Variants in HDAC9 observed in about 807,000 individuals in gnomAD.
HDAC9 encodes the protein histone deacetylase 9, also known as MEF-2 interacting transcription repressor (MITR) protein.
In HDAC9, 41 loss-of-function variants were observed where a neutral mutation model predicts 139.4. The ratio of observed to expected loss-of-function variants is 0.29; its 90% CI spans 0.23 to 0.38. The LOEUF is 0.38. HDAC9 is among the 10% of genes least tolerant of loss of function. HDAC9 has a pLI of 1.00. For missense variants in HDAC9, 1,147 were observed against 1,297.0 expected (o/e 0.88, Z 1.78); for synonymous variants, 517 against 476.2 (o/e 1.09, Z -1.12).
At chr7:18,949,930 T>G (rs1379558236) in intron 23 of HDAC9, among the ~76,000 whole-genome samples, 1 of 151,958 alleles carries the variant, frequency 6.6e-6, no homozygotes, top group Non-Finnish European at 1.5e-5. Flanking sequence ...CATACATAAT[T>G]TACAAAAGCA....
At chr7:18,634,524 A>T in intron 7 of HDAC9, 103 bp from the exon 8 acceptor site, 1 of 696,272 alleles carries the variant, frequency 1.4e-6, no homozygotes, top group Non-Finnish European at 2.4e-6. Flanking sequence ...GCTTGCATTT[A>T]CATAGGGGGA....
chr7:18,853,588 T>C (rs767402899), intron 21 of HDAC9, among the ~76,000 whole-genome samples: 35 of 152,308 alleles, frequency 2.3e-4, no homozygotes, highest in Non-Finnish European at 4.4e-4. Context: ...ACTGTGTTAA[T>C]GAGAATTAAG....
At chr7:18,987,953 TC>T (rs139751198) in intron 25 of HDAC9, among the ~76,000 whole-genome samples, 43,295 of 152,114 alleles carry the variant, frequency 0.28, 7,550 homozygotes, top group Non-Finnish European at 0.39. Context: ...TTGATTCTTC[TC>T]CCTTTTCTTC....
At chr7:18,331,348 T>A (rs1354297143) in intron 1 of HDAC9, among the ~76,000 whole-genome samples, 1 of 151,698 alleles carries the variant, frequency 6.6e-6, no homozygotes, top group Non-Finnish European at 1.5e-5. Flanking sequence ...AAAAATCGTG[T>A]TTTTTAATGA....
chr7:18,733,439 T>C (rs1051116094), intron 13 of HDAC9, among the ~76,000 whole-genome samples: 8 of 151,170 alleles, frequency 5.3e-5, no homozygotes, highest in East Asian at 3.9e-4. Context: ...TCAGGAAATC[T>C]ATTTTTTAAA....
At chr7:18,940,856 AC>A (rs368608130) in intron 23 of HDAC9, among the ~76,000 whole-genome samples, 5 of 152,176 alleles carry the variant, frequency 3.3e-5, no homozygotes, top group African/African-American at 1.2e-4. Flanking sequence ...GGAATCTAAA[AC>A]AAAAACATTG....
intron 24 of HDAC9, among the ~76,000 whole-genome samples, chr7:18,972,236 A>T (rs1169781962): frequency 6.6e-6 from 1 of 152,200 alleles, no homozygotes; most frequent in Non-Finnish European, 1.5e-5. Context: ...AAACTTTCAT[A>T]GCATTAAGCC....
chr7:18,696,391 T>C (rs1488490876), intron 12 of HDAC9, among the ~76,000 whole-genome samples: 1 of 148,490 alleles, frequency 6.7e-6, no homozygotes, highest in African/African-American at 2.4e-5. Flanking sequence ...TAACATATTA[T>C]ACTATATAAT....
intron 1 of HDAC9, among the ~76,000 whole-genome samples, chr7:18,135,436 A>G (rs866676124): frequency 5.3e-4 from 69 of 129,328 alleles, no homozygotes; most frequent in South Asian, 8.9e-4. Flanking sequence ...ATATCTCCCA[A>G]TGCTATCCCT....
At position 18,644,854 on chromosome 7, in the gene HDAC9, T is replaced by G. The variant is rs10243449; in HGVS notation, c.1035+61T>G. The G allele has an allele frequency of 5.5e-3, 8,341 of 1,528,392 alleles. 382 individuals are homozygous for G. The African/African-American group carries it at 0.099, about 18-fold the overall frequency. 94.7% of individuals were successfully genotyped at this position (1,528,392 alleles called of 1,614,324 possible). A position where few individuals can be genotyped will look rare whatever the true frequency, so the allele number is the denominator to read the frequency against. The stretch of plus-strand genomic sequence containing the variant: ...AAGCAATATCTTTTCACAGGGGAAC[T>G]CTCTTTCGTGTTTTATGTATTTAGA... On this transcript the variant is annotated intron_variant, in intron 9 of 25. Coordinates refer to ENST00000686413, the MANE Select transcript of HDAC9 (RefSeq NM_178425.4).
At chr7:18,272,248 C>G (rs1796400221) in intron 2 of HDAC9, among the ~76,000 whole-genome samples, 1 of 152,108 alleles carries the variant, frequency 6.6e-6, no homozygotes, top group Non-Finnish European at 1.5e-5. Flanking sequence ...TAGGTGCTTT[C>G]CTATTTGAAA....
At chr7:18,122,798 T>C (rs546438130) in intron 1 of HDAC9, among the ~76,000 whole-genome samples, 10 of 152,188 alleles carry the variant, frequency 6.6e-5, no homozygotes, top group African/African-American at 2.4e-4. Context: ...TTTATATCTT[T>C]AGTTGAGATG....
intron 1 of HDAC9, among the ~76,000 whole-genome samples, chr7:18,484,031 C>A (rs902902351): frequency 6.6e-6 from 1 of 151,888 alleles, no homozygotes; most frequent in African/African-American, 2.4e-5. Flanking sequence ...TTTAGTTTTA[C>A]CCTAATGGCT....
In HDAC9 at chr7:18,666,393, G is replaced by A. The variant is rs751960604; in HGVS notation, c.1648G>A (p.Val550Ile). ...ACTGGGACAAGTTGGGGCTGTGAAG[G>A]TCAAGGAGGAACCAGTGGACAGTGA... ...DTLGQVGAVK[V>I]KEEPVDSDED... The change falls in exon 12 of 26, where the codon GTC becomes ATC. Residue 550 changes from valine (V) to isoleucine (I), a missense_variant. Coordinates refer to ENST00000686413, the MANE Select transcript of HDAC9 (RefSeq NM_178425.4). 6.2e-7 allele frequency: 1 copy of A among 1,613,156 alleles called. No homozygotes were observed. Among genetic ancestry groups the A allele is most frequent in the South Asian group, 1.1e-5 (1 of 91,076 alleles).
At chr7:18,466,899 A>G (rs553623609) in intron 1 of HDAC9, among the ~76,000 whole-genome samples, 2 of 152,030 alleles carry the variant, frequency 1.3e-5, no homozygotes, top group Non-Finnish European at 2.9e-5. Flanking sequence ...ATTCTTCTCA[A>G]TCTCCTTATT....
chr7:18,439,493 G>T (rs940110358), intron 1 of HDAC9, among the ~76,000 whole-genome samples: 1 of 152,060 alleles, frequency 6.6e-6, no homozygotes, highest in Non-Finnish European at 1.5e-5. Flanking sequence ...GCTTCATCAG[G>T]TTCCCAACAT....
At chr7:18,642,770 A>G (rs1253332602) in intron 8 of HDAC9, among the ~76,000 whole-genome samples, 1 of 152,096 alleles carries the variant, frequency 6.6e-6, no homozygotes, top group Non-Finnish European at 1.5e-5. Flanking sequence ...GTCTGAGAAG[A>G]TAATCTATTT....
chr7:18,300,517 A>T (rs1291005396), intron 1 of HDAC9, among the ~76,000 whole-genome samples: 2 of 152,038 alleles, frequency 1.3e-5, no homozygotes, highest in Non-Finnish European at 2.9e-5. Flanking sequence ...CTCTGCATAT[A>T]AGTAAAAAAA....
chr7:18,764,439 C>T (rs958565302), intron 15 of HDAC9, among the ~76,000 whole-genome samples: 4 of 152,168 alleles, frequency 2.6e-5, no homozygotes, highest in Admixed American at 2.0e-4. Context: ...GCCTTAAGGT[C>T]GAGCACTAAA....
Sources: gnomAD v4.1 joint callset for allele counts (sites outside exome capture counted in the v4.1 genomes callset) on GRCh38, gnomAD v4.1.1 for gene constraint, MANE v1.5 for transcripts, NCBI Gene and HGNC (gene_info 2026-07-23, HGNC 2026-07-21) for gene names.